The following FAM135B variants were observed in gnomAD, a reference collection of about 807,000 sequenced individuals.
FAM135B encodes the protein family with sequence similarity 135 member B, also known as protein FAM135B.
A neutral mutation model predicts 127.7 loss-of-function variants in FAM135B; 43 were observed. The ratio of observed to expected loss-of-function variants is 0.34; its 90% CI spans 0.26 to 0.43. The LOEUF (loss-of-function observed/expected upper bound fraction) is 0.43, where lower values mean the gene tolerates loss of function less well. Among genes scored for constraint, FAM135B ranks in the 20% least tolerant of loss-of-function variants. The probability of loss-of-function intolerance (pLI) is 1.00; values close to 1 mark genes in which losing one functional copy is unlikely to be tolerated. For synonymous variants in FAM135B, 670 were observed against 665.1 expected, an observed-to-expected ratio of 1.01 and a Z score of -0.11; for missense variants, 1,558 against 1,725.6, an observed-to-expected ratio of 0.90 and a Z score of 1.72.
chr8:138,488,200 T>C (rs1815059743), intron 1 of FAM135B, among the ~76,000 whole-genome samples: 1 of 152,146 alleles, frequency 6.6e-6, no homozygotes, highest in Non-Finnish European at 1.5e-5. Flanking sequence ...AACGTAAAAG[T>C]ATTATTTTAT....
intron 7 of FAM135B, among the ~76,000 whole-genome samples, chr8:138,198,354 G>A (rs7845329): frequency 0.71 from 108,537 of 152,010 alleles, 39,001 homozygotes; most frequent in East Asian, 0.82. Context: ...CCTTGGGTAT[G>A]TCTTTATTAG....
In FAM135B at chr8:138,186,928, C is replaced by T. The variant is rs6986624; in HGVS notation, c.874-8238G>A. Among the ~76,000 whole-genome samples the T allele has an allele frequency of 7.6e-3, 1,160 of 152,288 alleles. 12 individuals carry two copies. The highest frequency in any genetic ancestry group is 0.025 in the African/African-American group (1,021 of 41,572). On this transcript the variant is annotated intron_variant, in intron 9 of 19. Transcript: ENST00000395297. ...GCCCTGGGCCCACCCCTTGGTGATT[C>T]GTGGACTTTAAGGAAGCCACATTTC... is the stretch of plus-strand genomic sequence containing the variant.
intron 1 of FAM135B, among the ~76,000 whole-genome samples, chr8:138,472,328 A>G (rs1297703871): frequency 6.6e-6 from 1 of 152,182 alleles, no homozygotes; most frequent in African/African-American, 2.4e-5. Flanking sequence ...GAAGAAGAGA[A>G]GGAGGCTGAG....
In FAM135B at chr8:138,407,442, A is replaced by G. The variant is rs1010316243; in HGVS notation, c.-19-39440T>C. Among the ~76,000 whole-genome samples, 226 of 152,316 alleles carry G rather than the reference A, an allele frequency of 1.5e-3. 2 individuals carry two copies. The highest frequency in any genetic ancestry group is 3.8e-3 in the African/African-American group (160 of 41,568). On this transcript the variant is annotated intron_variant, in intron 1 of 19. Coordinates refer to ENST00000395297, the MANE Select transcript of FAM135B (RefSeq NM_015912.4). ...CATATGGAACCAAAAAAGAGCCCAC[A>G]TCGCCAAGTCAATCCTAAGCCAAAA...
chr8:138,177,625 T>G, intron 10 of FAM135B, among the ~76,000 whole-genome samples: 1 of 152,168 alleles, frequency 6.6e-6, no homozygotes, highest in African/African-American at 2.4e-5. Flanking sequence ...CCACACTTGG[T>G]TTATGAACAC....
intron 2 of FAM135B, among the ~76,000 whole-genome samples, chr8:138,335,008 C>A (rs1008495407): frequency 6.6e-6 from 1 of 152,198 alleles, no homozygotes; most frequent in African/African-American, 2.4e-5. Flanking sequence ...GAAAAGTCTA[C>A]ATTTTCTAAA....
chr8:138,158,093 A>C (rs1182369447), intron 12 of FAM135B, among the ~76,000 whole-genome samples: 5 of 152,216 alleles, frequency 3.3e-5, no homozygotes, highest in African/African-American at 1.2e-4. Context: ...ACTGGTACTA[A>C]AACAGAGATA....
chr8:138,185,665 C>A (rs571313683), intron 9 of FAM135B, among the ~76,000 whole-genome samples: 32 of 152,244 alleles, frequency 2.1e-4, no homozygotes, highest in African/African-American at 7.5e-4. Flanking sequence ...GGAAAGACTA[C>A]GTGACAATTT....
chr8:138,394,961 T>G (rs1832776080), intron 1 of FAM135B, among the ~76,000 whole-genome samples: 1 of 152,136 alleles, frequency 6.6e-6, no homozygotes, highest in African/African-American at 2.4e-5. Context: ...AGGCAAATCA[T>G]TTAATGGACA....
intron 1 of FAM135B, among the ~76,000 whole-genome samples, chr8:138,491,881 A>G (rs1011784276): frequency 1.3e-5 from 2 of 152,188 alleles, no homozygotes; most frequent in African/African-American, 2.4e-5. Context: ...AGGGAGTAGC[A>G]TGTGCTGCTG....
At chr8:138,142,354 G>A (rs1210018948) in intron 16 of FAM135B, among the ~76,000 whole-genome samples, 7 of 130,580 alleles carry the variant, frequency 5.4e-5, no homozygotes, top group African/African-American at 2.0e-4. Flanking sequence ...AGGCTGGAGT[G>A]CAGTGGCGCA....
intron 2 of FAM135B, among the ~76,000 whole-genome samples, chr8:138,320,907 T>C (rs1436252265): frequency 6.6e-6 from 1 of 152,208 alleles, no homozygotes; most frequent in Admixed American, 6.5e-5. Flanking sequence ...GGAGTAATAT[T>C]CTATAATGGG....
At chr8:138,289,534 C>G (rs538446845) in intron 3 of FAM135B, among the ~76,000 whole-genome samples, 1 of 152,304 alleles carries the variant, frequency 6.6e-6, no homozygotes, top group South Asian at 2.1e-4. Context: ...TCCCAGGAGA[C>G]CCGCTTAGCG....
intron 9 of FAM135B, among the ~76,000 whole-genome samples, chr8:138,185,835 G>C (rs1439772423): frequency 6.6e-6 from 1 of 152,182 alleles, no homozygotes; most frequent in Non-Finnish European, 1.5e-5. Flanking sequence ...GCACATGTCT[G>C]AGTTTCATTA....
At chr8:138,213,469 G>T (rs540124404) in intron 7 of FAM135B, among the ~76,000 whole-genome samples, 1 of 151,488 alleles carries the variant, frequency 6.6e-6, no homozygotes, top group South Asian at 2.1e-4. Context: ...GGAGAGGATG[G>T]CTAAATTCCG....
At chr8:138,396,889 C>G (rs992270270) in intron 1 of FAM135B, among the ~76,000 whole-genome samples, 4 of 152,170 alleles carry the variant, frequency 2.6e-5, no homozygotes, top group African/African-American at 9.7e-5. Context: ...AAAGGACACA[C>G]GTGCCCCTAA....
intron 12 of FAM135B, among the ~76,000 whole-genome samples, chr8:138,162,959 G>C (rs1196875690): frequency 6.6e-6 from 1 of 152,164 alleles, no homozygotes. Flanking sequence ...GTTAAGACAG[G>C]AAACAGAAAG....
intron 1 of FAM135B, among the ~76,000 whole-genome samples, chr8:138,446,965 A>G (rs1046357164): frequency 6.6e-6 from 1 of 152,206 alleles, no homozygotes; most frequent in Non-Finnish European, 1.5e-5. Context: ...AAAGAAAAAA[A>G]CAAACAACCC....
chr8:138,426,012 TACACACACATAC>T (rs1834847396), intron 1 of FAM135B, among the ~76,000 whole-genome samples: 1 of 14,972 alleles, frequency 6.7e-5, no homozygotes, highest in Non-Finnish European at 1.2e-4. Context: ...TATATATATA[TACACACACATAC>T]ATATACACAC....
Sources: gnomAD v4.1 joint callset for allele counts (sites outside exome capture counted in the v4.1 genomes callset) on GRCh38, gnomAD v4.1.1 for gene constraint, MANE v1.5 for transcripts, NCBI Gene and HGNC (gene_info 2026-07-23, HGNC 2026-07-21) for gene names.